Variants in TMEM132C observed in about 807,000 individuals in gnomAD.
The protein encoded by TMEM132C is transmembrane protein 132C, also known as protein phosphatase 1, regulatory subunit 152.
A neutral mutation model predicts 61.4 loss-of-function variants in TMEM132C; 29 were observed. The observed-to-expected ratio is 0.47, with a 90% confidence interval of 0.35 to 0.64. The LOEUF is 0.64. Ranked by LOEUF, TMEM132C falls within the 30% of genes least tolerant of loss-of-function variation. The pLI is 0.00. For missense variants in TMEM132C, 1,408 were observed against 1,476.9 expected, an observed-to-expected ratio of 0.95 and a Z score of 0.76; for synonymous variants, 656 against 633.1, an observed-to-expected ratio of 1.04 and a Z score of -0.54.
Position 128,697,369 on chromosome 12 carries a change from T to C in TMEM132C, c.2075T>C (p.Val692Ala). ...CCCAACGCAGAAAACAGCAAGGCCG[T>C]AACAGCTGTGGTCACAGCTGAGGAG... ...LYPNAENSKA[V>A]TAVVTAEEVL... is the part of the protein sequence containing the mutation. The change falls in exon 8 of 9, where the codon GTA becomes GCA. Residue 692 changes from valine (V) to alanine (A), a missense_variant. Physicochemically the swap from Val to Ala is moderately conservative, Grantham distance 64. Transcript: ENST00000435159. The C allele has an allele frequency of 7.1e-6, 11 of 1,550,732 alleles. No individual in the cohort carries two copies. Among genetic ancestry groups the C allele is most frequent in the Non-Finnish European group, 9.6e-6 (11 of 1,146,398 alleles).
chr12:128,435,040 A>G (rs1228985568), intron 2 of TMEM132C, among the ~76,000 whole-genome samples: 1 of 152,202 alleles, frequency 6.6e-6, no homozygotes, highest in Non-Finnish European at 1.5e-5. Context: ...TTTGGTATAG[A>G]GTCATTGCAG....
intron 2 of TMEM132C, among the ~76,000 whole-genome samples, chr12:128,452,297 C>T (rs961311750): frequency 7.9e-5 from 12 of 151,788 alleles, no homozygotes; most frequent in African/African-American, 2.9e-4. Flanking sequence ...AGGGTTTTGC[C>T]GTGTTGCCCA....
intron 4 of TMEM132C, among the ~76,000 whole-genome samples, chr12:128,651,992 T>G (rs1315300605): frequency 6.6e-6 from 1 of 152,172 alleles, no homozygotes; most frequent in Non-Finnish European, 1.5e-5. Context: ...TTTTTAACTC[T>G]ATTTTCAGCT....
intron 1 of TMEM132C, among the ~76,000 whole-genome samples, chr12:128,341,009 C>T (rs115686466): frequency 0.02 from 2,964 of 150,626 alleles, 89 homozygotes; most frequent in African/African-American, 0.069. Context: ...GGAGTAATCT[C>T]AACTCACTGC....
chr12:128,511,896 A>T (rs1872576869), intron 2 of TMEM132C, among the ~76,000 whole-genome samples: 1 of 152,108 alleles, frequency 6.6e-6, no homozygotes. Context: ...GCCTTTCAGG[A>T]GCCTAGAGGC....
chr12:128,631,375 C>T (rs1228812608), intron 4 of TMEM132C, among the ~76,000 whole-genome samples: 4 of 152,208 alleles, frequency 2.6e-5, no homozygotes, highest in Non-Finnish European at 5.9e-5. Context: ...GGAGTTGACT[C>T]ACTAGAAATC....
At chr12:128,535,604 C>T (rs1050058928) in intron 2 of TMEM132C, among the ~76,000 whole-genome samples, 5 of 152,168 alleles carry the variant, frequency 3.3e-5, no homozygotes, top group African/African-American at 9.7e-5. Context: ...TGCAGTGGCT[C>T]ACGCCTGTAA....
intron 2 of TMEM132C, among the ~76,000 whole-genome samples, chr12:128,536,767 GTC>G (rs944246235): frequency 5.8e-4 from 84 of 145,586 alleles, no homozygotes; most frequent in African/African-American, 2.0e-3. Flanking sequence ...GTGTGTGTGT[GTC>G]TGTGTGTGTA....
intron 2 of TMEM132C, among the ~76,000 whole-genome samples, chr12:128,471,190 G>C (rs1018915130): frequency 6.6e-6 from 1 of 152,166 alleles, no homozygotes; most frequent in Admixed American, 6.5e-5. Flanking sequence ...TCCCTGCTTC[G>C]ATCTGTGACA....
rs61940597 is a variant in TMEM132C at position 128,667,065 on chromosome 12, G to A, written c.1306-2352G>A. Among the ~76,000 whole-genome samples the A allele has an allele frequency of 6.3e-3, 961 of 152,234 alleles. 5 individuals are homozygous for A. The highest frequency in any genetic ancestry group is 0.011 in the East Asian group (57 of 5,170). On this transcript the variant is annotated intron_variant, in intron 4 of 8. Coordinates refer to ENST00000435159, the MANE Select transcript of TMEM132C (RefSeq NM_001136103.3). Reference sequence around the variant, plus strand: ...AGCCTGGGCGACAGAGCAAGACTCCGTCTCAAAATATATATAGATACAGAT... The same window carrying A: ...AGCCTGGGCGACAGAGCAAGACTCCATCTCAAAATATATATAGATACAGAT...
chr12:128,342,056 TG>T (rs1442011798), intron 1 of TMEM132C, among the ~76,000 whole-genome samples: 5 of 151,968 alleles, frequency 3.3e-5, no homozygotes, highest in African/African-American at 1.2e-4. Flanking sequence ...TCGCCTATGC[TG>T]GAGTGCAGTG....
chr12:128,412,479 A>G (rs1328853464), intron 1 of TMEM132C, among the ~76,000 whole-genome samples: 1 of 152,024 alleles, frequency 6.6e-6, no homozygotes, highest in Non-Finnish European at 1.5e-5. Flanking sequence ...AATTGTAACA[A>G]TCCACATGTT....
chr12:128,268,669 G>A (rs1214928259), intron 1 of TMEM132C, among the ~76,000 whole-genome samples: 1 of 152,116 alleles, frequency 6.6e-6, no homozygotes, highest in Non-Finnish European at 1.5e-5. Flanking sequence ...CTCTGAGGCT[G>A]AGCTAGAAAT....
At chr12:128,341,940 G>A (rs1243049357) in intron 1 of TMEM132C, among the ~76,000 whole-genome samples, 3 of 151,714 alleles carry the variant, frequency 2.0e-5, no homozygotes, top group Non-Finnish European at 4.4e-5. Context: ...GCTTCCTGCT[G>A]TCTTCTCTCT....
At chr12:128,435,073 C>A (rs1869534045) in intron 2 of TMEM132C, among the ~76,000 whole-genome samples, 1 of 152,056 alleles carries the variant, frequency 6.6e-6, no homozygotes, top group African/African-American at 2.4e-5. Flanking sequence ...AAGAAGAGAT[C>A]AAAATGACTT....
intron 2 of TMEM132C, among the ~76,000 whole-genome samples, chr12:128,480,031 G>A (rs897680250): frequency 2.6e-5 from 4 of 152,186 alleles, no homozygotes; most frequent in African/African-American, 9.7e-5. Flanking sequence ...GCTGATGTGG[G>A]AAGATTGCTT....
intron 3 of TMEM132C, among the ~76,000 whole-genome samples, chr12:128,604,247 T>C (rs1876316619): frequency 6.6e-6 from 1 of 152,036 alleles, no homozygotes. Context: ...GATGGATGGA[T>C]TGAAGGATAG....
At chr12:128,306,152 T>C (rs1871767879) in intron 1 of TMEM132C, among the ~76,000 whole-genome samples, 1 of 152,150 alleles carries the variant, frequency 6.6e-6, no homozygotes, top group Non-Finnish European at 1.5e-5. Flanking sequence ...GGTTGAAACA[T>C]TTAGATGTGA....
intron 1 of TMEM132C, among the ~76,000 whole-genome samples, chr12:128,412,433 A>T (rs1868592122): frequency 6.6e-6 from 1 of 152,038 alleles, no homozygotes. Context: ...TCTCCCTGCT[A>T]TGGTTTGGTT....
Sources: allele counts gnomAD v4.1 joint callset (sites outside exome capture counted in the v4.1 genomes callset), GRCh38; gene constraint gnomAD v4.1.1; transcripts MANE v1.5; gene names NCBI Gene and HGNC (gene_info 2026-07-23, HGNC 2026-07-21).